Variants in ELK3 observed in about 807,000 individuals in gnomAD.
The protein encoded by ELK3 is ETS domain-containing protein Elk-3.
A neutral mutation model predicts 28.9 loss-of-function variants in ELK3; 10 were observed. That is an observed-to-expected ratio of 0.35 (90% CI 0.21 to 0.59). The LOEUF (loss-of-function observed/expected upper bound fraction) is 0.59, where lower values mean the gene tolerates loss of function less well. ELK3 is among the 20% of genes least tolerant of loss of function. The pLI is 0.82. For missense variants in ELK3, 463 were observed against 517.3 expected (o/e 0.90, Z 1.02); for synonymous variants, 272 against 243.5 (o/e 1.12, Z -1.09).
chr12:96,243,633 G>T (rs551438214), intron 2 of ELK3, among the ~76,000 whole-genome samples: 1 of 152,148 alleles, frequency 6.6e-6, no homozygotes, highest in South Asian at 2.1e-4. Flanking sequence ...GGCAGATCAC[G>T]AGGTCAGGAG....
chr12:96,218,974 A>G (rs1951642740), intron 1 of ELK3, among the ~76,000 whole-genome samples: 1 of 152,172 alleles, frequency 6.6e-6, no homozygotes, highest in Non-Finnish European at 1.5e-5. Context: ...CATTAGATAA[A>G]GGGAATTTTA....
In ELK3 at chr12:96,203,334, A is replaced by G. The variant is rs192945670; in HGVS notation, c.-3+8629A>G. On this transcript the variant is annotated intron_variant, in intron 1 of 4. Coordinates refer to ENST00000228741, the MANE Select transcript of ELK3 (RefSeq NM_005230.4). ...AGTTACTGTCCGTAACTGCGGTCCCATTCGATTTGGATATTGGGGGATGCC... is the reference window on the plus strand; with the variant it reads ...AGTTACTGTCCGTAACTGCGGTCCCGTTCGATTTGGATATTGGGGGATGCC... Among the ~76,000 whole-genome samples the G allele has an allele frequency of 4.0e-3, 608 of 152,300 alleles. 9 individuals are homozygous for G. Among genetic ancestry groups the G allele is most frequent in the African/African-American group, 0.014 (582 of 41,560 alleles).
At chr12:96,260,871 C>T (rs1951987906) in intron 4 of ELK3, among the ~76,000 whole-genome samples, 1 of 152,304 alleles carries the variant, frequency 6.6e-6, no homozygotes, top group South Asian at 2.1e-4. Flanking sequence ...TAGCACGTGG[C>T]ACTTTGTATT....
At chr12:96,219,837 C>T (rs1951649716) in intron 1 of ELK3, among the ~76,000 whole-genome samples, 1 of 152,154 alleles carries the variant, frequency 6.6e-6, no homozygotes, top group African/African-American at 2.4e-5. Context: ...ACCGGGAAGG[C>T]TACATGACTG....
intron 1 of ELK3, among the ~76,000 whole-genome samples, chr12:96,209,507 C>A (rs1323817617): frequency 6.6e-6 from 1 of 152,188 alleles, no homozygotes; most frequent in Admixed American, 6.5e-5. Context: ...TAAATACTTT[C>A]GACTTTCATC....
chr12:96,243,816 C>G (rs1400476993), intron 2 of ELK3, among the ~76,000 whole-genome samples: 5 of 151,424 alleles, frequency 3.3e-5, no homozygotes, highest in Non-Finnish European at 7.4e-5. Flanking sequence ...GCACTCTAGC[C>G]TGGGCAACAG....
Position 96,194,404 on chromosome 12 carries a change from A to G in ELK3, c.-304A>G, listed in dbSNP as rs1592946701. 1 of 146,574 alleles carries G rather than the reference A, an allele frequency of 6.8e-6. No homozygotes were observed. Among genetic ancestry groups the G allele is most frequent in the South Asian group, 2.1e-4 (1 of 4,718 alleles). 9.1% of individuals were successfully genotyped at this position (146,574 alleles called of 1,614,324 possible). A position where few individuals can be genotyped will look rare whatever the true frequency, so the allele number is the denominator to read the frequency against. On this transcript the variant is annotated 5_prime_UTR_variant, in exon 1 of 5. Transcript: ENST00000228741. ...GCCTGGGCGGCCAGCCCCGGCGCAC[A>G]GCCGCGGCCGGGGCGCGCGGCGCGG...
At chr12:96,240,141 C>T (rs905639595) in intron 2 of ELK3, among the ~76,000 whole-genome samples, 2 of 152,210 alleles carry the variant, frequency 1.3e-5, no homozygotes, top group Admixed American at 1.3e-4. Context: ...ATAAAAACAT[C>T]ATGTTTCCCT....
At chr12:96,266,042 A>T (rs997341579) in intron 4 of ELK3, among the ~76,000 whole-genome samples, 2 of 152,252 alleles carry the variant, frequency 1.3e-5, no homozygotes, top group Non-Finnish European at 2.9e-5. Flanking sequence ...AACAGAACTT[A>T]TTTGAAATCT....
intron 1 of ELK3, among the ~76,000 whole-genome samples, chr12:96,209,100 G>C (rs1047178223): frequency 6.6e-6 from 1 of 152,236 alleles, no homozygotes; most frequent in African/African-American, 2.4e-5. Context: ...GTGGTGCAGC[G>C]TGTGTGCACA....
At chr12:96,254,430 A>G (rs1565791605) in intron 3 of ELK3, among the ~76,000 whole-genome samples, 1 of 152,248 alleles carries the variant, frequency 6.6e-6, no homozygotes, top group Non-Finnish European at 1.5e-5. Context: ...AAAGGACACC[A>G]AAACTACAGT....
intron 1 of ELK3, among the ~76,000 whole-genome samples, chr12:96,200,648 C>T (rs1051119446): frequency 2.0e-5 from 3 of 151,890 alleles, no homozygotes; most frequent in Admixed American, 6.6e-5. Flanking sequence ...CAGGTGTGCA[C>T]CACCACACCT....
chr12:96,236,355 C>T (rs982298734), intron 2 of ELK3, among the ~76,000 whole-genome samples: 1 of 152,140 alleles, frequency 6.6e-6, no homozygotes, highest in African/African-American at 2.4e-5. Context: ...CTCAGGGTGC[C>T]ACGTGTACTC....
chr12:96,261,385 T>C (rs1051864411), intron 4 of ELK3, among the ~76,000 whole-genome samples: 2 of 152,118 alleles, frequency 1.3e-5, no homozygotes, highest in Non-Finnish European at 2.9e-5. Flanking sequence ...AAACTAGAAA[T>C]AGCAAAAAGC....
intron 1 of ELK3, among the ~76,000 whole-genome samples, chr12:96,221,064 G>C (rs902150390): frequency 6.6e-6 from 1 of 152,126 alleles, no homozygotes; most frequent in African/African-American, 2.4e-5. Context: ...TCACTTTCCC[G>C]TGTCAGTCTC....
intron 4 of ELK3, among the ~76,000 whole-genome samples, chr12:96,264,605 A>G (rs1952016167): frequency 6.6e-6 from 1 of 151,988 alleles, no homozygotes; most frequent in Non-Finnish European, 1.5e-5. Context: ...CAACATAGCA[A>G]GACCCTGTCT....
At chr12:96,257,389 CAAG>C (rs1951958639) in intron 3 of ELK3, among the ~76,000 whole-genome samples, 1 of 152,180 alleles carries the variant, frequency 6.6e-6, no homozygotes, top group Non-Finnish European at 1.5e-5. Context: ...AGATGAGAAA[CAAG>C]AAGGCTACAG....
intron 2 of ELK3, among the ~76,000 whole-genome samples, chr12:96,241,715 A>G (rs1951822810): frequency 6.6e-6 from 1 of 152,230 alleles, no homozygotes; most frequent in South Asian, 2.1e-4. Flanking sequence ...TCTGCCCGGA[A>G]TCCTGTCCCA....
chr12:96,247,423 G>A lies in ELK3; in HGVS notation c.691G>A (p.Ala231Thr), dbSNP rs768600542. 2.5e-6 allele frequency: 4 copies of A among 1,614,086 alleles called. No homozygotes were observed. The South Asian group carries it at 4.4e-5, about 18-fold the overall frequency. The change falls in exon 3 of 5, where the codon GCC becomes ACC. Residue 231 changes from alanine (A) to threonine (T), a missense_variant. Physicochemically the swap from Ala to Thr is moderately conservative, Grantham distance 58 (BLOSUM62 0). Around this residue, in one of 2 missense-constraint regions of ELK3, gnomAD observed 408 missense variants for 414.8 expected, o/e 0.98. Coordinates refer to ENST00000228741, the MANE Select transcript of ELK3 (RefSeq NM_005230.4). The surrounding 1 kb of genome is among the most constrained non-coding windows in gnomAD (Gnocchi z 5.5). ...CTCCTCTTTAATGTTGCCAAACGCT[G>A]CCAGTATTTCATCCGCCTCACCCTT... ...KISSLMLPNAASISSASPFSS... is the reference protein window; with the variant it reads ...KISSLMLPNATSISSASPFSS...
Sources: allele counts gnomAD v4.1 joint callset (sites outside exome capture counted in the v4.1 genomes callset), GRCh38; gene constraint gnomAD v4.1.1; regional missense constraint gnomAD v4.1.1; non-coding constraint Gnocchi (gnomAD v3.1); transcripts MANE v1.5; gene names NCBI Gene and HGNC (gene_info 2026-07-23, HGNC 2026-07-21).